Variants in TRIM58 observed in about 807,000 individuals in gnomAD.
The protein encoded by TRIM58 is E3 ubiquitin-protein ligase TRIM58.
TRIM58 carries 38 observed loss-of-function variants against 34.1 expected under a neutral mutation model. That is an observed-to-expected ratio of 1.12 (90% CI 0.86 to 1.46). The LOEUF (loss-of-function observed/expected upper bound fraction) is 1.46. TRIM58 is among the 40% of genes most tolerant of loss of function. The pLI is 0.00. For missense variants in TRIM58, 677 were observed against 642.0 expected, an observed-to-expected ratio of 1.05 and a Z score of -0.59; for synonymous variants, 273 against 275.7, an observed-to-expected ratio of 0.99 and a Z score of 0.10.
chr1:247,868,054 A>C lies in TRIM58; in HGVS notation c.862A>C (p.Lys288Gln). The C allele has an allele frequency of 6.2e-7, 1 of 1,605,876 alleles. No homozygotes were observed. The highest frequency in any genetic ancestry group is 2.2e-5 in the East Asian group (1 of 44,806). Residue 288 changes from lysine (K) to glutamine (Q), a missense_variant, in exon 5 of 6, where the codon AAG (lysine) becomes CAG (glutamine). Lys to Gln is a moderately conservative substitution (Grantham distance 53, BLOSUM62 1). Coordinates refer to ENST00000366481, the MANE Select transcript of TRIM58 (RefSeq NM_015431.4). ...CCCTGGGAGGAGGGAGCTCTTAAGG[A>C]AGTTCCAAGGTAGTTGCATCTTAGA... ...CIPGRRELLR[K>Q]FQVDVKLDPA...
chr1:247,866,742 A>G (rs1306106406), intron 3 of TRIM58, among the ~76,000 whole-genome samples: 1 of 152,124 alleles, frequency 6.6e-6, no homozygotes, highest in Admixed American at 6.5e-5. Context: ...AGCTGGGACT[A>G]AAGGTGTGCA....
chr1:247,867,976 A>G lies in TRIM58; in HGVS notation c.784A>G (p.Thr262Ala), dbSNP rs902445568. ...TGCTCTTCCCAGAAGTAAGGCTGTC[A>G]CAAGGCTGGAAGCAGAGAACATCCC... Reference protein sequence around the residue: ...RGVLSRSKAVTRLEAENIPME... With the variant: ...RGVLSRSKAVARLEAENIPME... Residue 262 changes from threonine (T) to alanine (A), a missense_variant, in exon 5 of 6, where the codon ACA (threonine) becomes GCA (alanine). Coordinates refer to ENST00000366481, the MANE Select transcript of TRIM58 (RefSeq NM_015431.4). The G allele has an allele frequency of 1.2e-6, 2 of 1,613,190 alleles. No homozygotes were observed. Among genetic ancestry groups the G allele is most frequent in the Non-Finnish European group, 1.7e-6 (2 of 1,179,724 alleles).
intron 5 of TRIM58, among the ~76,000 whole-genome samples, chr1:247,872,955 C>T (rs944265998): frequency 2.4e-4 from 36 of 152,146 alleles, no homozygotes; most frequent in Non-Finnish European, 3.5e-4. Flanking sequence ...CTGGGCCGGG[C>T]GCGGTGGCTC....
chr1:247,873,452 T>C (rs1489608416), intron 5 of TRIM58, among the ~76,000 whole-genome samples: 1 of 152,132 alleles, frequency 6.6e-6, no homozygotes, highest in Non-Finnish European at 1.5e-5. Flanking sequence ...AGGAATGGCT[T>C]GGGAATACAT....
intron 5 of TRIM58, 143 bp from the exon 6 acceptor site, chr1:247,875,757 A>G: frequency 1.6e-6 from 1 of 625,304 alleles, no homozygotes; most frequent in Non-Finnish European, 2.6e-6. Flanking sequence ...TTTCACCTGT[A>G]AGGTGAAATA....
intron 2 of TRIM58, among the ~76,000 whole-genome samples, chr1:247,861,791 T>C (rs534135151): frequency 2.0e-5 from 3 of 152,262 alleles, no homozygotes; most frequent in South Asian, 4.1e-4. Context: ...AATATAGATA[T>C]ATACGGATAG....
rs1218175227 is a variant in TRIM58 at position 247,875,809 on chromosome 1, A to G, written c.872-91A>G. Reference sequence around the variant, plus strand: ...AGGAGTTAATAGAGAGAGAAAAGTGAGGAACTGTGGGACTATTCTTTTCAG... The same window carrying G: ...AGGAGTTAATAGAGAGAGAAAAGTGGGGAACTGTGGGACTATTCTTTTCAG... On this transcript the variant is annotated intron_variant, in intron 5 of 5. Transcript: ENST00000366481. The G allele has an allele frequency of 1.1e-5, 12 of 1,088,722 alleles. No individual in the cohort carries two copies. In the South Asian group the frequency reaches 1.9e-4, roughly 18 times the overall value. 67.4% of individuals were successfully genotyped at this position (1,088,722 alleles called of 1,614,324 possible). A position where few individuals can be genotyped will look rare whatever the true frequency, so the allele number is the denominator to read the frequency against.
intron 3 of TRIM58, among the ~76,000 whole-genome samples, chr1:247,866,988 A>T (rs1428734282): frequency 6.6e-6 from 1 of 152,104 alleles, no homozygotes; most frequent in Non-Finnish European, 1.5e-5. Context: ...TTAAGGGGAG[A>T]GGGGAAATGT....
In TRIM58 at chr1:247,876,109, G is replaced by A; in HGVS notation, c.1081G>A (p.Gly361Arg). Residue 361 changes from glycine to arginine, a missense_variant, in exon 6 of 6, where the codon GGG becomes AGG. Gly to Arg is a moderately radical substitution (Grantham distance 125). Coordinates refer to ENST00000366481, the MANE Select transcript of TRIM58 (RefSeq NM_015431.4). Reference sequence around the variant, plus strand: ...GGGAGAAGGAGCAGAGTGGGGTTTAGGGGTCTGTCAAGACACACTGCCAAG... The same window carrying A: ...GGGAGAAGGAGCAGAGTGGGGTTTAAGGGTCTGTCAAGACACACTGCCAAG... ...LVGEGAEWGL[G>R]VCQDTLPRKG... 1 of 1,614,148 alleles carries A rather than the reference G, an allele frequency of 6.2e-7. No individual in the cohort carries two copies. The highest frequency in any genetic ancestry group is 8.5e-7 in the Non-Finnish European group (1 of 1,180,038).
intron 1 of TRIM58, among the ~76,000 whole-genome samples, chr1:247,858,645 G>A (rs1042978168): frequency 6.7e-6 from 1 of 149,460 alleles, no homozygotes; most frequent in Non-Finnish European, 1.5e-5. Context: ...CTTGATTTTC[G>A]TTGTCATTTG....
In TRIM58 at chr1:247,857,547, G is replaced by T. The variant is rs539377117; in HGVS notation, c.301G>T (p.Glu101Ter). 1,653 of 1,280,626 alleles carry T rather than the reference G, an allele frequency of 1.3e-3. 3 individuals are homozygous for T. Among genetic ancestry groups the T allele is most frequent in the South Asian group, 3.9e-3 (140 of 35,558 alleles). The allele number at this position is 1,280,626 out of a possible 1,614,324, so 79.3% of individuals were successfully genotyped here. ...PGARRCARHG[E>*]DLSRFCEEDE... is the part of the protein sequence containing the mutation. ...GGCGCGGCGATGCGCGCGGCACGGC[G>T]AGGACCTGAGCCGCTTCTGCGAGGA... The change falls in exon 1 of 6, where the codon GAG becomes TAG. Residue 101 changes from glutamate to a stop codon, truncating the protein, a stop_gained. Coordinates refer to ENST00000366481, the MANE Select transcript of TRIM58 (RefSeq NM_015431.4). LOFTEE classifies it high-confidence loss of function.
Position 247,876,510 on chromosome 1 carries a change from G to A in TRIM58, c.*21G>A. ...TCTAAAATTCTGTTCCCAAGATGCA[G>A]TCCTAGCGTAGCGAACGTTCCTGGA... On this transcript the variant is annotated 3_prime_UTR_variant, in exon 6 of 6. Transcript: ENST00000366481. 6.3e-7 allele frequency: 1 copy of A among 1,591,342 alleles called. No homozygotes were observed. Among genetic ancestry groups the A allele is most frequent in the Non-Finnish European group, 8.6e-7 (1 of 1,165,114 alleles).
At chr1:247,862,242 T>C (rs550706852) in intron 2 of TRIM58, among the ~76,000 whole-genome samples, 4 of 152,134 alleles carry the variant, frequency 2.6e-5, no homozygotes, top group Admixed American at 1.3e-4. Context: ...TTAATAACAT[T>C]AGTACCTAAC....
In TRIM58 at chr1:247,857,490, G is replaced by A. The variant is rs895278364; in HGVS notation, c.244G>A (p.Val82Met). ...NRQLAGLVES[V>M]RRLGLGAGPG... ...GCAGCTGGCGGGCCTGGTGGAGAGC[G>A]TGCGGCGGCTGGGGTTGGGCGCGGG... Residue 82 changes from valine (V) to methionine (M), a missense_variant, in exon 1 of 6, where the codon GTG becomes ATG. Transcript: ENST00000366481. 1.1e-5 allele frequency: 15 copies of A among 1,315,424 alleles called. No individual in the cohort carries two copies. The highest frequency in any genetic ancestry group is 1.5e-5 in the Non-Finnish European group (15 of 1,032,910). 81.5% of individuals were successfully genotyped at this position (1,315,424 alleles called of 1,614,324 possible). A position where few individuals can be genotyped will look rare whatever the true frequency, so the allele number is the denominator to read the frequency against.
chr1:247,859,633 A>G (rs537379382), intron 1 of TRIM58, among the ~76,000 whole-genome samples: 64 of 152,198 alleles, frequency 4.2e-4, no homozygotes, highest in Non-Finnish European at 7.4e-4. Flanking sequence ...GTGTTTTTTC[A>G]TATAAAATAT....
At chr1:247,873,123 G>A (rs751002350) in intron 5 of TRIM58, among the ~76,000 whole-genome samples, 9 of 152,044 alleles carry the variant, frequency 5.9e-5, no homozygotes, top group Admixed American at 2.0e-4. Flanking sequence ...CCAGCTACTC[G>A]GGAGGCTGAG....
chr1:247,868,910 T>G (rs67054045), intron 5 of TRIM58, among the ~76,000 whole-genome samples: 44,481 of 150,994 alleles, frequency 0.29, 8,041 homozygotes, highest in African/African-American at 0.52. Context: ...GTTCTTTTTT[T>G]TGTGTGTGTG....
chr1:247,870,131 T>C (rs1186001679), intron 5 of TRIM58, among the ~76,000 whole-genome samples: 1 of 152,160 alleles, frequency 6.6e-6, no homozygotes, highest in Non-Finnish European at 1.5e-5. Context: ...TTCAGGCAGA[T>C]AAATGAGTGT....
chr1:247,864,678 A>C (rs777454412), intron 2 of TRIM58, 27 bp from the exon 3 acceptor site: 1 of 1,610,986 alleles, frequency 6.2e-7, no homozygotes, highest in Non-Finnish European at 8.5e-7. Flanking sequence ...CCAAGCACTG[A>C]CGATGTGATC....
Sources: allele counts gnomAD v4.1 joint callset (sites outside exome capture counted in the v4.1 genomes callset), GRCh38; gene constraint gnomAD v4.1.1; transcripts MANE v1.5; gene names NCBI Gene and HGNC (gene_info 2026-07-23, HGNC 2026-07-21).